Variants in CEP89 observed in about 807,000 individuals in gnomAD.
CEP89 encodes centrosomal protein 89.
Under a neutral mutation model 97.6 loss-of-function variants are expected in CEP89, and 95 were observed. The observed-to-expected ratio is 0.97, with a 90% CI of 0.82 to 1.15. The LOEUF (loss-of-function observed/expected upper bound fraction) is 1.15, where lower values mean the gene tolerates loss of function less well. CEP89 is among the 50% of genes most tolerant of loss of function. CEP89 has a pLI of 0.00. For synonymous variants in CEP89, 354 were observed against 349.1 expected, an observed-to-expected ratio of 1.01 and a Z score of -0.16; for missense variants, 869 against 947.7, an observed-to-expected ratio of 0.92 and a Z score of 1.09.
intron 7 of CEP89, chr19:32,937,225 C>T (rs1006905448): frequency 2.2e-5 from 5 of 231,188 alleles, no homozygotes; most frequent in African/African-American, 1.2e-4. Context: ...CCTCTGCCTT[C>T]AGCCTCAGAG....
chr19:32,914,702 CATTT>C (rs1970083075), intron 14 of CEP89, among the ~76,000 whole-genome samples: 1 of 152,014 alleles, frequency 6.6e-6, no homozygotes, highest in Non-Finnish European at 1.5e-5. Flanking sequence ...TTTAATTTAC[CATTT>C]ATTACCAAAG....
rs139257215 is a variant in CEP89 at position 32,905,938 on chromosome 19, T to C, written c.1566-4526A>G. On this transcript the variant is annotated intron_variant, in intron 14 of 18. Transcript: ENST00000305768. Reference sequence around the variant, plus strand: ...TCTCCCTATGTTACCCAGGCTGGTCTTGAACCTCTGGACTGAGCCACCATG... The same window carrying C: ...TCTCCCTATGTTACCCAGGCTGGTCCTGAACCTCTGGACTGAGCCACCATG... Among the ~76,000 whole-genome samples, 344 of 152,316 alleles carry C rather than the reference T, an allele frequency of 2.3e-3. 5 individuals are homozygous for C. The South Asian group carries it at 0.03, about 13-fold the overall frequency.
intron 7 of CEP89, 40 bp from the exon 8 acceptor site, chr19:32,933,709 T>C (rs1034402256): frequency 3.2e-6 from 4 of 1,239,734 alleles, no homozygotes; most frequent in East Asian, 2.3e-5. Flanking sequence ...TGTTAATTGA[T>C]GTTGACAATG....
At chr19:32,902,744 C>T (rs1011382801) in intron 14 of CEP89, among the ~76,000 whole-genome samples, 6 of 152,142 alleles carry the variant, frequency 3.9e-5, no homozygotes, top group Admixed American at 1.3e-4. Flanking sequence ...GGGCGTTTCA[C>T]GGAGCGAGAA....
intron 11 of CEP89, among the ~76,000 whole-genome samples, chr19:32,925,357 C>T (rs1033414279): frequency 6.6e-6 from 1 of 152,158 alleles, no homozygotes; most frequent in African/African-American, 2.4e-5. Context: ...GGATAAAAAC[C>T]TCACTTCTCC....
rs578215832 is a variant in CEP89, at chr19:32,901,479, C to G, written c.1566-67G>C. The stretch of plus-strand genomic sequence containing the variant: ...AAGCTAAAATGGGGCAGTCACATAA[C>G]GAGGAAGATGAGTGATAACAGCCCA... On this transcript the variant is annotated intron_variant, in intron 14 of 18. Transcript: ENST00000305768. 35 of 1,518,082 alleles carry G rather than the reference C, an allele frequency of 2.3e-5. No homozygotes were observed. The South Asian group carries it at 4.1e-4, about 18-fold the overall frequency. The allele number at this position is 1,518,082 out of a possible 1,614,324, so 94.0% of individuals were successfully genotyped here. A position where few individuals can be genotyped will look rare whatever the true frequency, so the allele number is the denominator to read the frequency against.
At chr19:32,898,540 T>G (rs1969692406) in intron 16 of CEP89, among the ~76,000 whole-genome samples, 1 of 152,182 alleles carries the variant, frequency 6.6e-6, no homozygotes, top group Admixed American at 6.5e-5. Flanking sequence ...ATTGTATATT[T>G]CAATATAGCT....
chr19:32,918,758 A>G (rs1357993560), intron 12 of CEP89, among the ~76,000 whole-genome samples: 1 of 152,152 alleles, frequency 6.6e-6, no homozygotes, highest in African/African-American at 2.4e-5. Flanking sequence ...TCCCATTTCA[A>G]TTTTAAAATA....
chr19:32,962,491 G>A (rs761410321), intron 2 of CEP89, among the ~76,000 whole-genome samples: 4 of 152,132 alleles, frequency 2.6e-5, no homozygotes, highest in Non-Finnish European at 5.9e-5. Flanking sequence ...AGACCTAACT[G>A]TAAAGCCGAA....
At chr19:32,931,722 CTG>C (rs1310872480) in intron 8 of CEP89, 151 bp from the exon 9 acceptor site, 3 of 551,716 alleles carry the variant, frequency 5.4e-6, no homozygotes, top group Non-Finnish European at 9.1e-6. Context: ...GTATGTGTGT[CTG>C]TGTGTGTGAA....
intron 4 of CEP89, among the ~76,000 whole-genome samples, chr19:32,952,479 AT>A (rs1970941673): frequency 7.0e-6 from 1 of 142,322 alleles, no homozygotes; most frequent in Non-Finnish European, 1.5e-5. Flanking sequence ...CCCCATCTCA[AT>A]TTAAAAAAAA....
At position 32,878,904 on chromosome 19, in the gene CEP89, G is replaced by A. The variant is rs898239270; in HGVS notation, c.*258C>T. 2.9e-5 allele frequency: 10 copies of A among 347,598 alleles called. No individual in the cohort carries two copies. The highest frequency in any genetic ancestry group is 8.4e-5 in the African/African-American group (4 of 47,500). 21.5% of individuals were successfully genotyped at this position (347,598 alleles called of 1,614,324 possible). ...GATCTCAAACATGTTTGAGGCTGCC[G>A]TGAGCTATGATTGCACCACTGTACT... is the stretch of plus-strand genomic sequence containing the variant. On this transcript the variant is annotated 3_prime_UTR_variant, in exon 19 of 19. Transcript: ENST00000305768.
At position 32,936,816 on chromosome 19, in the gene CEP89, G is replaced by C. The variant is rs1236137198; in HGVS notation, c.667+815C>G. Among the ~76,000 whole-genome samples, 2 of 152,088 alleles carry C rather than the reference G, an allele frequency of 1.3e-5. No homozygotes were observed. The highest frequency in any genetic ancestry group is 6.5e-5 in the Admixed American group (1 of 15,270). ...CTCCAGGGCTTCCTCTTTGCTGAGA[G>C]CTGCAGAGACAGTTGGGTGACCTGC... On this transcript the variant is annotated intron_variant, in intron 7 of 18. Coordinates refer to ENST00000305768, the MANE Select transcript of CEP89 (RefSeq NM_032816.5). This position sits in a 1 kb window ranked among gnomAD's most constrained non-coding sequence, Gnocchi z 4.5.
chr19:32,933,209 T>A (rs550266769), intron 8 of CEP89, among the ~76,000 whole-genome samples: 11 of 152,200 alleles, frequency 7.2e-5, no homozygotes, highest in Non-Finnish European at 1.0e-4. Flanking sequence ...AAAAGAAGTA[T>A]TGGAATCTCT....
chr19:32,955,761 G>A lies in CEP89; in HGVS notation c.306-1960C>T, dbSNP rs141389998. Among the ~76,000 whole-genome samples, 428 of 152,182 alleles carry A rather than the reference G, an allele frequency of 2.8e-3. 3 individuals are homozygous for A. The highest frequency in any genetic ancestry group is 9.6e-3 in the African/African-American group (400 of 41,528). ...ACTCCTGACCTCAAGTGATACGCCC[G>A]CCTCAGCCTCAAAAAGTGCTGAGGT... On this transcript the variant is annotated intron_variant, in intron 3 of 18. Transcript: ENST00000305768.
At chr19:32,884,944 CCT>C (rs752137094) in intron 17 of CEP89, among the ~76,000 whole-genome samples, 1 of 152,126 alleles carries the variant, frequency 6.6e-6, no homozygotes, top group Non-Finnish European at 1.5e-5. Context: ...TTCTTAGTCC[CCT>C]GTTTTTAGAT....
intron 12 of CEP89, among the ~76,000 whole-genome samples, chr19:32,921,758 G>A (rs1019742495): frequency 2.6e-5 from 4 of 152,064 alleles, no homozygotes; most frequent in African/African-American, 9.7e-5. Flanking sequence ...GAACCCTGAA[G>A]GAAGAAAATC....
chr19:32,959,975 G>A lies in CEP89; in HGVS notation c.230C>T (p.Ser77Phe). The stretch of plus-strand genomic sequence containing the variant: ...TTCAACACTGCTCACATCACTCTCA[G>A]ACCGGGACCTCTGGCGAGGCTGAGG... ...AIPQPRQRSR[S>F]ESDVSSVEQD... The change falls in exon 3 of 19, where the codon TCT becomes TTT. Residue 77 changes from serine to phenylalanine, a missense_variant. Transcript: ENST00000305768. The A allele has an allele frequency of 1.2e-6, 2 of 1,614,206 alleles. No individual in the cohort carries two copies. The highest frequency in any genetic ancestry group is 1.7e-6 in the Non-Finnish European group (2 of 1,180,046).
At chr19:32,920,334 C>T (rs942290489) in intron 12 of CEP89, among the ~76,000 whole-genome samples, 7 of 152,036 alleles carry the variant, frequency 4.6e-5, no homozygotes, top group African/African-American at 1.7e-4. Flanking sequence ...CCCACCTCGG[C>T]CTCCCAAAGC....
Sources: allele counts gnomAD v4.1 joint callset (sites outside exome capture counted in the v4.1 genomes callset), GRCh38; gene constraint gnomAD v4.1.1; non-coding constraint Gnocchi (gnomAD v3.1); transcripts MANE v1.5; gene names NCBI Gene and HGNC (gene_info 2026-07-23, HGNC 2026-07-21).